SLC7A14: variants seen among roughly 807,000 people sequenced by gnomAD.
SLC7A14 encodes gamma-aminobutyric acid transporter SLC7A14.
SLC7A14 carries 37 observed loss-of-function variants against 60.2 expected under a neutral mutation model. The observed-to-expected ratio is 0.61, with a 90% CI of 0.47 to 0.81. The LOEUF (loss-of-function observed/expected upper bound fraction) is 0.81, where lower values mean the gene tolerates loss of function less well. Ranked by LOEUF, SLC7A14 falls within the 30% of genes least tolerant of loss-of-function variation. The probability of loss-of-function intolerance (pLI) is 0.00; values close to 1 mark genes in which losing one functional copy is unlikely to be tolerated. For synonymous variants in SLC7A14, 399 were observed against 395.8 expected (o/e 1.01, Z -0.10); for missense variants, 886 against 982.7 (o/e 0.90, Z 1.32).
intron 1 of SLC7A14, among the ~76,000 whole-genome samples, chr3:170,556,263 T>C (rs957694294): frequency 1.3e-5 from 2 of 152,214 alleles, no homozygotes; most frequent in African/African-American, 4.8e-5. Flanking sequence ...GCCCATTTCT[T>C]ATATGGCAAA....
chr3:170,467,814 T>A (rs1739764334), intron 7 of SLC7A14, among the ~76,000 whole-genome samples: 1 of 152,196 alleles, frequency 6.6e-6, no homozygotes, highest in Non-Finnish European at 1.5e-5. Flanking sequence ...TATTTATGGA[T>A]CAGCAACAGT....
Position 170,585,405 on chromosome 3 carries a change from G to A in SLC7A14, c.-153+506C>T, listed in dbSNP as rs1715355755. Among the ~76,000 whole-genome samples, 1 of 152,188 alleles carries A rather than the reference G, an allele frequency of 6.6e-6. No individual in the cohort carries two copies. Among genetic ancestry groups the A allele is most frequent in the Admixed American group, 6.5e-5 (1 of 15,288 alleles). On this transcript the variant is annotated intron_variant, in intron 1 of 7. Coordinates refer to ENST00000231706, the MANE Select transcript of SLC7A14 (RefSeq NM_020949.3). The surrounding 1 kb of genome is among the most constrained non-coding windows in gnomAD (Gnocchi z 5.1). ...GCTCCCAGGTAAAAGGGCAGACGTTGCTCCCGACCTCCCCGGAGTCTGCGG... is the reference window on the plus strand; with the variant it reads ...GCTCCCAGGTAAAAGGGCAGACGTTACTCCCGACCTCCCCGGAGTCTGCGG...
At chr3:170,561,898 A>C (rs975307645) in intron 1 of SLC7A14, among the ~76,000 whole-genome samples, 4 of 152,238 alleles carry the variant, frequency 2.6e-5, no homozygotes, top group African/African-American at 9.6e-5. Flanking sequence ...AAAATGCTCA[A>C]TATCACTAAT....
intron 4 of SLC7A14, among the ~76,000 whole-genome samples, chr3:170,492,495 A>G (rs148847925): frequency 6.6e-6 from 1 of 152,112 alleles, no homozygotes; most frequent in Non-Finnish European, 1.5e-5. Context: ...ACAGAGTGAG[A>G]CTCTGCCTCA....
chr3:170,478,839 G>T (rs1711716877), intron 7 of SLC7A14, among the ~76,000 whole-genome samples: 2 of 152,100 alleles, frequency 1.3e-5, no homozygotes. Context: ...AAGAGTCTCT[G>T]TGGGCTGGGC....
intron 2 of SLC7A14, among the ~76,000 whole-genome samples, chr3:170,524,842 T>C (rs919472248): frequency 3.2e-4 from 49 of 152,318 alleles, no homozygotes; most frequent in African/African-American, 1.1e-3. Flanking sequence ...AGAGGATAAC[T>C]TCAGGAGAAG....
intron 3 of SLC7A14, among the ~76,000 whole-genome samples, chr3:170,500,227 G>A (rs1051157275): frequency 6.6e-6 from 1 of 152,070 alleles, no homozygotes; most frequent in Non-Finnish European, 1.5e-5. Context: ...TGGATCACAA[G>A]GTCAGGAGTT....
At position 170,483,384 on chromosome 3, in the gene SLC7A14, T is replaced by G. The variant is rs1425014905; in HGVS notation, c.1045A>C (p.Ser349Arg). ...ATCGGGAAGAGGGACCCCAGCAAGC[T>G]GACTGTCAGTCCTGCAACCGACCCA... is the stretch of plus-strand genomic sequence containing the variant. The part of the protein sequence containing the change: ...AIGSVAGLTV[S>R]LLGSLFPMPR... Residue 349 changes from serine (S) to arginine (R), a missense_variant, in exon 6 of 8, where the codon AGC becomes CGC. Physicochemically the swap from Ser to Arg is moderately radical, Grantham distance 110. Coordinates refer to ENST00000231706, the MANE Select transcript of SLC7A14 (RefSeq NM_020949.3). The G allele has an allele frequency of 6.2e-7, 1 of 1,614,102 alleles. No individual in the cohort carries two copies. Among genetic ancestry groups the G allele is most frequent in the African/African-American group, 1.3e-5 (1 of 74,930 alleles).
chr3:170,583,832 G>A (rs560460021), intron 1 of SLC7A14, among the ~76,000 whole-genome samples: 1 of 152,370 alleles, frequency 6.6e-6, no homozygotes, highest in South Asian at 2.1e-4. Context: ...AAGCAGTTGG[G>A]AGGGTGGGAG....
chr3:170,496,341 A>G, intron 4 of SLC7A14: 1 of 1,246,192 alleles, frequency 8.0e-7, no homozygotes, highest in Non-Finnish European at 1.2e-6. Context: ...GCGGTGTACA[A>G]AGACTTAGAT....
Position 170,559,688 on chromosome 3 carries a change from A to C in SLC7A14, c.-153+26223T>G, listed in dbSNP as rs140226243. 1.4e-4 allele frequency among the ~76,000 whole-genome samples: 22 copies of C among 152,334 alleles called. 1 individual carries two copies. Among genetic ancestry groups the C allele is most frequent in the Admixed American group, 1.4e-3 (21 of 15,300 alleles). On this transcript the variant is annotated intron_variant, in intron 1 of 7. Coordinates refer to ENST00000231706, the MANE Select transcript of SLC7A14 (RefSeq NM_020949.3). The stretch of plus-strand genomic sequence containing the variant: ...GATACCTGGATTAAAAAATAACCCA[A>C]TAGATTCAAGTGACATAATACAGTT...
rs891447783 is a variant in SLC7A14 at position 170,467,203 on chromosome 3, G to A, written c.2168C>T (p.Pro723Leu). ...EGESQEDWGG[P>L]TEDKGFYYQQ... ...GTAATAGAAGCCTTTGTCTTCAGTGGGCCCGCCCCAGTCCTCCTGGCTCTC... is the reference window on the plus strand; with the variant it reads ...GTAATAGAAGCCTTTGTCTTCAGTGAGCCCGCCCCAGTCCTCCTGGCTCTC... The change falls in exon 8 of 8, where the codon CCC becomes CTC. Residue 723 changes from proline to leucine, a missense_variant. Coordinates refer to ENST00000231706, the MANE Select transcript of SLC7A14 (RefSeq NM_020949.3). The A allele has an allele frequency of 6.2e-7, 1 of 1,614,248 alleles. No homozygotes were observed. Among genetic ancestry groups the A allele is most frequent in the Admixed American group, 1.7e-5 (1 of 60,030 alleles).
At chr3:170,561,293 T>C (rs1034885065) in intron 1 of SLC7A14, among the ~76,000 whole-genome samples, 10 of 152,194 alleles carry the variant, frequency 6.6e-5, no homozygotes, top group African/African-American at 2.4e-4. Context: ...ATTTTTTAAG[T>C]GATCCACAGA....
rs933856111 is a variant in SLC7A14, at chr3:170,576,078, A to T, written c.-153+9833T>A. Among the ~76,000 whole-genome samples the T allele has an allele frequency of 4.1e-4, 63 of 152,320 alleles. No homozygotes were observed. The Middle Eastern group carries it at 0.014, about 33-fold the overall frequency. On this transcript the variant is annotated intron_variant, in intron 1 of 7. Transcript: ENST00000231706. ...TCTCTCTCATTTATCCACCTGAAAA[A>T]ATATTATATACCATTCAAGATACTG...
At chr3:170,517,780 T>C (rs1342936232) in intron 2 of SLC7A14, among the ~76,000 whole-genome samples, 2 of 152,188 alleles carry the variant, frequency 1.3e-5, no homozygotes, top group Non-Finnish European at 2.9e-5. Context: ...TACCATGAGC[T>C]TGCCTGATGA....
intron 7 of SLC7A14, chr3:170,476,743 G>A (rs908536168): frequency 6.6e-6 from 1 of 152,170 alleles, no homozygotes; most frequent in East Asian, 1.9e-4. Flanking sequence ...CCAGGTCAAG[G>A]CTGATAAAAT....
chr3:170,563,892 A>T, intron 1 of SLC7A14, among the ~76,000 whole-genome samples: 1 of 152,234 alleles, frequency 6.6e-6, no homozygotes, highest in Non-Finnish European at 1.5e-5. Context: ...TCAGTCTTTG[A>T]TGAACTGTGA....
chr3:170,550,048 C>A (rs980867311), intron 1 of SLC7A14, among the ~76,000 whole-genome samples: 1 of 152,222 alleles, frequency 6.6e-6, no homozygotes, highest in Non-Finnish European at 1.5e-5. Context: ...TGTGATTGGA[C>A]ATGTGTGTGT....
intron 1 of SLC7A14, among the ~76,000 whole-genome samples, chr3:170,548,648 A>G (rs1272048719): frequency 6.6e-6 from 1 of 152,230 alleles, no homozygotes; most frequent in Non-Finnish European, 1.5e-5. Flanking sequence ...AGGCTCTTTC[A>G]TGGAGCTTCT....
Sources: gnomAD v4.1 joint callset for allele counts (sites outside exome capture counted in the v4.1 genomes callset) on GRCh38, gnomAD v4.1.1 for gene constraint, Gnocchi (gnomAD v3.1) non-coding constraint, MANE v1.5 for transcripts, NCBI Gene and HGNC (gene_info 2026-07-23, HGNC 2026-07-21) for gene names.